The following C1orf94 variants were observed in gnomAD, a reference collection of about 807,000 sequenced individuals.
C1orf94 encodes the protein uncharacterized protein C1orf94.
In C1orf94, 45 loss-of-function variants were observed where a neutral mutation model predicts 53.6. That is an observed-to-expected ratio of 0.84 (90% CI 0.66 to 1.08). The LOEUF (loss-of-function observed/expected upper bound fraction) is 1.08. Ranked by LOEUF, C1orf94 falls within the 50% of genes least tolerant of loss-of-function variation. The probability of loss-of-function intolerance (pLI) is 0.00; values close to 1 mark genes in which losing one functional copy is unlikely to be tolerated. For synonymous variants in C1orf94, 304 were observed against 296.1 expected (o/e 1.03, Z -0.27); for missense variants, 762 against 738.9 (o/e 1.03, Z -0.36).
chr1:34,204,362 C>T (rs1220361704), intron 4 of C1orf94, among the ~76,000 whole-genome samples: 1 of 152,106 alleles, frequency 6.6e-6, no homozygotes, highest in African/African-American at 2.4e-5. Context: ...AGAACAAGTA[C>T]CCGTCCCCTC....
chr1:34,217,256 T>C (rs1020365496), intron 6 of C1orf94, among the ~76,000 whole-genome samples: 1 of 152,158 alleles, frequency 6.6e-6, no homozygotes, highest in Non-Finnish European at 1.5e-5. Context: ...CCCTCTAGCG[T>C]ACATACTGTC....
intron 4 of C1orf94, among the ~76,000 whole-genome samples, chr1:34,207,695 A>G (rs929100517): frequency 6.6e-6 from 1 of 152,250 alleles, no homozygotes; most frequent in Admixed American, 6.5e-5. Flanking sequence ...AGAGACGTGC[A>G]TAGACACCTT....
chr1:34,192,500 G>A (rs1384509914), intron 1 of C1orf94, among the ~76,000 whole-genome samples: 1 of 152,292 alleles, frequency 6.6e-6, no homozygotes, highest in Non-Finnish European at 1.5e-5. Context: ...AAGTGAACTT[G>A]TTCAGTCCTT....
chr1:34,178,518 A>G (rs997992575), intron 1 of C1orf94, among the ~76,000 whole-genome samples: 1 of 152,244 alleles, frequency 6.6e-6, no homozygotes, highest in South Asian at 2.1e-4. Context: ...GTTTTAAATC[A>G]CATCTGGAAT....
upstream of C1orf94, among the ~76,000 whole-genome samples, chr1:34,176,289 C>T (rs986988994): frequency 2.4e-4 from 36 of 152,188 alleles, no homozygotes; most frequent in Non-Finnish European, 4.9e-4. Context: ...CGTCTCCACC[C>T]TCTTGCTTTT....
At chr1:34,212,137 G>A (rs1571351198) in intron 5 of C1orf94, 73 bp from the exon 6 acceptor site, 6 of 1,382,534 alleles carry the variant, frequency 4.3e-6, no homozygotes, top group East Asian at 4.8e-5. Flanking sequence ...GGCTGAGACT[G>A]GGGGTGGGTG....
chr1:34,177,998 G>A lies in C1orf94; in HGVS notation c.209G>A (p.Trp70Ter), dbSNP rs1220828725. 4 of 1,551,620 alleles carry A rather than the reference G, an allele frequency of 2.6e-6. No individual in the cohort carries two copies. The highest frequency in any genetic ancestry group is 3.5e-6 in the Non-Finnish European group (4 of 1,146,996). The change falls in exon 1 of 7, where the codon TGG becomes TAG. Residue 70 changes from tryptophan to a stop codon, truncating the protein, a stop_gained. Transcript: ENST00000488417. LOFTEE classifies it high-confidence loss of function. The stretch of plus-strand genomic sequence containing the variant: ...CTAGACAAGACTTGCCATGAAATCT[G>A]GAAGAGAGTTCAAGGCCTGCCTGAG... The part of the protein sequence containing the change: ...DSLDKTCHEI[W>*]KRVQGLPEAS...
At position 34,177,087 on chromosome 1, in the gene C1orf94, G is replaced by T. The variant is rs4653399; in HGVS notation, c.-703G>T. Among the ~76,000 whole-genome samples, 1 of 152,234 alleles carries T rather than the reference G, an allele frequency of 6.6e-6. No individual in the cohort carries two copies. The highest frequency in any genetic ancestry group is 1.5e-5 in the Non-Finnish European group (1 of 67,976). On this transcript the variant is annotated 5_prime_UTR_variant, in exon 1 of 7. Transcript: ENST00000488417. ...GGTGCCCGCCTGGCAGCGCGGCGCG[G>T]CTGGGGCAGGGGTCTGCTGGGGGCC...
intron 1 of C1orf94, among the ~76,000 whole-genome samples, chr1:34,178,345 A>G (rs1642261568): frequency 6.6e-6 from 1 of 152,220 alleles, no homozygotes; most frequent in African/African-American, 2.4e-5. Flanking sequence ...CAGCCCGTTA[A>G]GCAGACATTT....
intron 1 of C1orf94, among the ~76,000 whole-genome samples, chr1:34,190,604 C>T (rs1642466119): frequency 6.6e-6 from 1 of 152,216 alleles, no homozygotes; most frequent in Admixed American, 6.5e-5. Context: ...TTCTGCTCTC[C>T]TAACTTAGGT....
intron 1 of C1orf94, among the ~76,000 whole-genome samples, chr1:34,180,262 A>G (rs1642293856): frequency 1.3e-5 from 2 of 152,228 alleles, no homozygotes; most frequent in Non-Finnish European, 2.9e-5. Flanking sequence ...TGCAATTCAG[A>G]TGTGATCATT....
In C1orf94 at chr1:34,210,247, G is replaced by A. The variant is rs297793; in HGVS notation, c.1525-1963G>A. ...GTACTTTCTGCCATGCTGACCCATAGGGTCATGACTCCCATCTGACCTGCG... is the reference window on the plus strand; with the variant it reads ...GTACTTTCTGCCATGCTGACCCATAAGGTCATGACTCCCATCTGACCTGCG... On this transcript the variant is annotated intron_variant, in intron 5 of 6. Coordinates refer to ENST00000488417, the MANE Select transcript of C1orf94 (RefSeq NM_001134734.2). Among the ~76,000 whole-genome samples, 16 of 152,220 alleles carry A rather than the reference G, an allele frequency of 1.1e-4. No individual in the cohort carries two copies. In the South Asian group the frequency reaches 2.7e-3, roughly 26 times the overall value.
Position 34,193,087 on chromosome 1 carries a change from G to A in C1orf94, c.321-4138G>A, listed in dbSNP as rs1377969358. Among the ~76,000 whole-genome samples, 3 of 152,152 alleles carry A rather than the reference G, an allele frequency of 2.0e-5. No individual in the cohort carries two copies. The East Asian group carries it at 5.8e-4, about 29-fold the overall frequency. Reference sequence around the variant, plus strand: ...CAAGCAGATCTTGTTTTCTTGAAGTGGAGGGGCGTGGTGGAAGGAGACCCT... The same window carrying A: ...CAAGCAGATCTTGTTTTCTTGAAGTAGAGGGGCGTGGTGGAAGGAGACCCT... On this transcript the variant is annotated intron_variant, in intron 1 of 6. Transcript: ENST00000488417.
intron 6 of C1orf94, among the ~76,000 whole-genome samples, chr1:34,214,709 G>A (rs542047623): frequency 6.6e-6 from 1 of 152,286 alleles, no homozygotes; most frequent in East Asian, 1.9e-4. Flanking sequence ...TTGAGACTTG[G>A]TCTCCACATG....
intron 4 of C1orf94, among the ~76,000 whole-genome samples, chr1:34,202,644 T>C (rs888655603): frequency 6.6e-6 from 1 of 152,202 alleles, no homozygotes; most frequent in Non-Finnish European, 1.5e-5. Flanking sequence ...GATGTCACAG[T>C]CCTTGTTTCC....
Position 34,202,154 on chromosome 1 carries a change from T to G in C1orf94, c.1341T>G (p.Phe447Leu), listed in dbSNP as rs1557486389. 1.9e-6 allele frequency: 3 copies of G among 1,614,206 alleles called. No homozygotes were observed. Among genetic ancestry groups the G allele is most frequent in the Non-Finnish European group, 2.5e-6 (3 of 1,180,036 alleles). The change falls in exon 4 of 7, where the codon TTT (phenylalanine) becomes TTG (leucine). Residue 447 changes from phenylalanine (F) to leucine (L), a missense_variant. Phe to Leu is a conservative substitution (Grantham distance 22). Coordinates refer to ENST00000488417, the MANE Select transcript of C1orf94 (RefSeq NM_001134734.2). Reference sequence around the variant, plus strand: ...CAGGGAATGTTTTCACTCCACACTTTCCTACAGCCATGACCTCAGCAACCC... The same window carrying G: ...CAGGGAATGTTTTCACTCCACACTTGCCTACAGCCATGACCTCAGCAACCC... ...KYTGNVFTPH[F>L]PTAMTSATLN...
At position 34,170,633 on chromosome 1, in the gene C1orf94, C is replaced by T. The variant is rs190236822; in HGVS notation, c.-251+3462C>T. 1.1e-4 allele frequency among the ~76,000 whole-genome samples: 17 copies of T among 152,132 alleles called. No individual in the cohort carries two copies. The East Asian group carries it at 3.3e-3, about 29-fold the overall frequency. On this transcript the variant is annotated intron_variant, in intron 1 of 6. Coordinates refer to the C1orf94 transcript ENST00000373374. ...CTCTAGGATGGAAACCTCTTTTCTC[C>T]CAAGTCCCAGGGTCTGTATTGTATC... is the stretch of plus-strand genomic sequence containing the variant.
chr1:34,186,125 A>T (rs988161402), intron 1 of C1orf94, among the ~76,000 whole-genome samples: 1 of 152,178 alleles, frequency 6.6e-6, no homozygotes, highest in African/African-American at 2.4e-5. Context: ...ATAAACAACT[A>T]TGTCCCACCT....
chr1:34,198,504 A>G (rs1374615916), intron 2 of C1orf94, among the ~76,000 whole-genome samples: 4 of 152,192 alleles, frequency 2.6e-5, no homozygotes, highest in African/African-American at 9.6e-5. Flanking sequence ...CCACCTCCCA[A>G]GCTTCTCCTA....
Sources: gnomAD v4.1 joint callset for allele counts (sites outside exome capture counted in the v4.1 genomes callset) on GRCh38, gnomAD v4.1.1 for gene constraint, MANE v1.5 for transcripts, NCBI Gene and HGNC (gene_info 2026-07-23, HGNC 2026-07-21) for gene names.